Variants in FAT3 observed in about 807,000 individuals in gnomAD.
The protein encoded by FAT3 is protocadherin Fat 3.
A neutral mutation model predicts 310.2 loss-of-function variants in FAT3; 95 were observed. The observed-to-expected ratio is 0.31, with a 90% CI of 0.26 to 0.36. The LOEUF (loss-of-function observed/expected upper bound fraction) is 0.36. Ranked by LOEUF, FAT3 falls within the 10% of genes least tolerant of loss-of-function variation. FAT3 has a pLI of 1.00. For missense variants in FAT3, 5,408 were observed against 5,715.6 expected, an observed-to-expected ratio of 0.95 and a Z score of 1.74; for synonymous variants, 2,314 against 2,192.9, an observed-to-expected ratio of 1.06 and a Z score of -1.54.
At chr11:92,861,481 A>G (rs1420887309) in intron 21 of FAT3, among the ~76,000 whole-genome samples, 1 of 152,222 alleles carries the variant, frequency 6.6e-6, no homozygotes, top group Non-Finnish European at 1.5e-5. Flanking sequence ...ATTTCATGAA[A>G]CAAGCATGTT....
Position 92,278,439 on chromosome 11 carries a change from GT to G in FAT3, c.-18+53269del, listed in dbSNP as rs1946334155. Among the ~76,000 whole-genome samples, 3 of 152,026 alleles carry G rather than the reference GT, an allele frequency of 2.0e-5. No individual in the cohort carries two copies. In the South Asian group the frequency reaches 6.2e-4, roughly 31 times the overall value. On this transcript the variant is annotated intron_variant, in intron 1 of 27. Coordinates refer to ENST00000525166, the MANE Select transcript of FAT3 (RefSeq NM_001367949.2). ...GTGTTTGGATGTTCTATACCTTTGA[GT>G]TTTGCTGGGCCTCTTTGGGTTTCCT...
chr11:92,628,232 A>ATGTAAAT (rs1355966146), intron 3 of FAT3, among the ~76,000 whole-genome samples: 3 of 152,346 alleles, frequency 2.0e-5, no homozygotes, highest in East Asian at 3.9e-4. Flanking sequence ...AACTTTTAGA[A>ATGTAAAT]TGTAAATTTT....
chr11:92,240,309 CT>C (rs1565173265), intron 1 of FAT3, among the ~76,000 whole-genome samples: 1 of 151,852 alleles, frequency 6.6e-6, no homozygotes, highest in African/African-American at 2.4e-5. Flanking sequence ...TTTTCTTCTC[CT>C]TTTTTAAAAA....
At chr11:92,466,852 T>G (rs1204572409) in intron 2 of FAT3, among the ~76,000 whole-genome samples, 208 of 150,522 alleles carry the variant, frequency 1.4e-3, no homozygotes, top group Admixed American at 0.013. Context: ...TTGTCTTTGC[T>G]ATAGTTTACT....
intron 1 of FAT3, among the ~76,000 whole-genome samples, chr11:92,254,679 G>C (rs979430005): frequency 6.6e-6 from 1 of 151,978 alleles, no homozygotes; most frequent in African/African-American, 2.4e-5. Context: ...GGTCAGGGGA[G>C]GGTTGGTAGC....
At chr11:92,432,649 G>A (rs1394073767) in intron 2 of FAT3, among the ~76,000 whole-genome samples, 1 of 152,142 alleles carries the variant, frequency 6.6e-6, no homozygotes, top group Non-Finnish European at 1.5e-5. Flanking sequence ...TTGTTCCAGA[G>A]GGTCACCTAC....
chr11:92,740,143 T>G (rs866427898), intron 4 of FAT3, among the ~76,000 whole-genome samples: 3 of 152,212 alleles, frequency 2.0e-5, no homozygotes, highest in Middle Eastern at 3.2e-3. Flanking sequence ...ATGTCCAAGA[T>G]TGTAAATCAT....
intron 3 of FAT3, among the ~76,000 whole-genome samples, chr11:92,598,860 G>A (rs1426643390): frequency 6.6e-6 from 1 of 152,166 alleles, no homozygotes; most frequent in African/African-American, 2.4e-5. Context: ...TGCTATAACT[G>A]TTCTTAAGAT....
intron 9 of FAT3, among the ~76,000 whole-genome samples, chr11:92,797,290 G>C (rs567772216): frequency 6.6e-6 from 1 of 152,292 alleles, no homozygotes; most frequent in Admixed American, 6.5e-5. Context: ...AGTCATTTTT[G>C]ATAGGGTGAA....
At chr11:92,318,423 G>A (rs959820451) in intron 1 of FAT3, among the ~76,000 whole-genome samples, 1 of 152,148 alleles carries the variant, frequency 6.6e-6, no homozygotes, top group Non-Finnish European at 1.5e-5. Context: ...GAAAATAAAT[G>A]ATACTCAGAA....
At chr11:92,880,940 A>G in intron 23 of FAT3, 56 bp downstream of exon 23, 1 of 1,566,092 alleles carries the variant, frequency 6.4e-7, no homozygotes. Flanking sequence ...GCTACAACAA[A>G]CCAGTAAACA....
intron 13 of FAT3, among the ~76,000 whole-genome samples, chr11:92,814,302 C>T (rs1432270342): frequency 6.6e-6 from 1 of 152,228 alleles, no homozygotes; most frequent in African/African-American, 2.4e-5. Flanking sequence ...ACTTGCTAAA[C>T]CTTCATATCC....
intron 13 of FAT3, among the ~76,000 whole-genome samples, chr11:92,810,916 TTTATATAA>T (rs1947653074): frequency 6.6e-6 from 1 of 152,188 alleles, no homozygotes; most frequent in Non-Finnish European, 1.5e-5. Flanking sequence ...TAAACAGACC[TTTATATAA>T]TTCAGTGTCA....
intron 2 of FAT3, among the ~76,000 whole-genome samples, chr11:92,421,780 G>A (rs1950537978): frequency 6.6e-6 from 1 of 152,272 alleles, no homozygotes; most frequent in Middle Eastern, 3.4e-3. Flanking sequence ...TCTAAGTGGG[G>A]TAGGTGAAAT....
chr11:92,441,071 A>G (rs1197107725), intron 2 of FAT3, among the ~76,000 whole-genome samples: 1 of 152,264 alleles, frequency 6.6e-6, no homozygotes, highest in East Asian at 1.9e-4. Context: ...CATGTTAAAC[A>G]GAGAAGTAAT....
At chr11:92,446,688 C>T (rs72972443) in intron 2 of FAT3, among the ~76,000 whole-genome samples, 6,376 of 152,216 alleles carry the variant, frequency 0.042, 187 homozygotes, top group Middle Eastern at 0.071. Context: ...ATACATGTTT[C>T]CACGCATTAA....
intron 3 of FAT3, among the ~76,000 whole-genome samples, chr11:92,550,019 G>C (rs2135434322): frequency 6.6e-6 from 1 of 152,286 alleles, no homozygotes; most frequent in African/African-American, 2.4e-5. Context: ...AAATGGAAGA[G>C]TTAGGATTAA....
intron 5 of FAT3, 138 bp from the exon 6 acceptor site, chr11:92,764,741 C>T: frequency 2.6e-6 from 2 of 760,074 alleles, no homozygotes; most frequent in Non-Finnish European, 4.2e-6. Flanking sequence ...CTTTACTCCC[C>T]AGACCTCTGC....
chr11:92,719,647 C>A (rs1398283948), intron 4 of FAT3, among the ~76,000 whole-genome samples: 2 of 150,752 alleles, frequency 1.3e-5, no homozygotes, highest in Admixed American at 6.6e-5. Flanking sequence ...ATGTTTTTTT[C>A]TTCTCCAAAT....
Sources: allele counts gnomAD v4.1 joint callset (sites outside exome capture counted in the v4.1 genomes callset), GRCh38; gene constraint gnomAD v4.1.1; transcripts MANE v1.5; gene names NCBI Gene and HGNC (gene_info 2026-07-23, HGNC 2026-07-21).